MAGI2: variants seen among roughly 807,000 people sequenced by gnomAD.
MAGI2 encodes membrane-associated guanylate kinase, WW and PDZ domain-containing protein 2.
MAGI2 carries 35 observed loss-of-function variants against 133.3 expected under a neutral mutation model. That is an observed-to-expected ratio of 0.26 (90% CI 0.20 to 0.35). The LOEUF is 0.35. MAGI2 is among the 10% of genes least tolerant of loss of function. The pLI is 1.00. For synonymous variants in MAGI2, 729 were observed against 710.6 expected (o/e 1.03, Z -0.41); for missense variants, 1,636 against 1,863.4 (o/e 0.88, Z 2.25).
At chr7:78,455,458 C>T (rs6968434) in intron 6 of MAGI2, among the ~76,000 whole-genome samples, 4,098 of 152,176 alleles carry the variant, frequency 0.027, 195 homozygotes, top group African/African-American at 0.09. Context: ...ACAATGTAGA[C>T]AGAATAAGAC....
At chr7:78,762,216 G>A (rs1353858259) in intron 2 of MAGI2, among the ~76,000 whole-genome samples, 1 of 151,154 alleles carries the variant, frequency 6.6e-6, no homozygotes, top group Non-Finnish European at 1.5e-5. Context: ...GGATGAGGCA[G>A]GCAGATCACC....
chr7:78,785,004 A>G (rs922087753), intron 2 of MAGI2, among the ~76,000 whole-genome samples: 4 of 152,224 alleles, frequency 2.6e-5, no homozygotes, highest in Admixed American at 6.5e-5. Context: ...TAAGATTAAC[A>G]GGCCTTTCTT....
intron 6 of MAGI2, among the ~76,000 whole-genome samples, chr7:78,398,472 C>G (rs1402987746): frequency 6.6e-6 from 1 of 152,212 alleles, no homozygotes; most frequent in African/African-American, 2.4e-5. Context: ...CCTTAATGTT[C>G]CCCTCAGCTT....
At chr7:79,054,479 A>G (rs1012908163) in intron 1 of MAGI2, among the ~76,000 whole-genome samples, 12 of 152,174 alleles carry the variant, frequency 7.9e-5, no homozygotes, top group Admixed American at 2.0e-4. Context: ...ACCTGAGTTC[A>G]AAACAAACTT....
chr7:78,669,629 T>C (rs1338187534), intron 2 of MAGI2, among the ~76,000 whole-genome samples: 3 of 152,092 alleles, frequency 2.0e-5, no homozygotes, highest in Non-Finnish European at 2.9e-5. Flanking sequence ...AAAAGAGAAT[T>C]TTAGACCAAT....
At chr7:78,904,842 CA>C (rs760898915) in intron 2 of MAGI2, among the ~76,000 whole-genome samples, 4 of 152,126 alleles carry the variant, frequency 2.6e-5, no homozygotes, top group Non-Finnish European at 5.9e-5. Flanking sequence ...TCACTGTTTA[CA>C]AAAGTTTTAG....
At chr7:78,056,181 T>C (rs1336620633) in intron 21 of MAGI2, among the ~76,000 whole-genome samples, 1 of 152,190 alleles carries the variant, frequency 6.6e-6, no homozygotes, top group Non-Finnish European at 1.5e-5. Context: ...ATTCATCTTT[T>C]TGTGACTGGC....
At chr7:78,868,914 C>T (rs904253441) in intron 2 of MAGI2, among the ~76,000 whole-genome samples, 1 of 152,006 alleles carries the variant, frequency 6.6e-6, no homozygotes, top group Non-Finnish European at 1.5e-5. Context: ...CCACAATGCC[C>T]GGCTAATTTT....
At chr7:78,801,744 A>G (rs369572405) in intron 2 of MAGI2, among the ~76,000 whole-genome samples, 2 of 152,130 alleles carry the variant, frequency 1.3e-5, no homozygotes, top group South Asian at 2.1e-4. Context: ...AAGTTACCAT[A>G]TATCAAGCAC....
Position 78,548,582 on chromosome 7 carries a change from C to A in MAGI2, c.539-26937G>T, listed in dbSNP as rs144760107. Among the ~76,000 whole-genome samples the A allele has an allele frequency of 3.5e-3, 536 of 152,252 alleles. 4 individuals are homozygous for A. Among genetic ancestry groups the A allele is most frequent in the African/African-American group, 0.012 (511 of 41,544 alleles). On this transcript the variant is annotated intron_variant, in intron 3 of 21. Transcript: ENST00000354212. ...TGGTGGTGCATGCCTGTAATCCCAGCTACTTGGGAGGCTGAGGCAGGAGAA... is the reference window on the plus strand; with the variant it reads ...TGGTGGTGCATGCCTGTAATCCCAGATACTTGGGAGGCTGAGGCAGGAGAA...
intron 1 of MAGI2, among the ~76,000 whole-genome samples, chr7:79,317,579 G>A (rs1468751122): frequency 1.3e-5 from 2 of 151,972 alleles, no homozygotes; most frequent in East Asian, 1.9e-4. Context: ...ACATGTAATC[G>A]ATATAAAAAT....
At chr7:79,333,453 G>A (rs1449000645) in intron 1 of MAGI2, among the ~76,000 whole-genome samples, 1 of 151,994 alleles carries the variant, frequency 6.6e-6, no homozygotes, top group African/African-American at 2.4e-5. Context: ...GACATCAAAT[G>A]ACCTTCAGTT....
chr7:79,130,517 A>G (rs1019457369), intron 1 of MAGI2, among the ~76,000 whole-genome samples: 4 of 152,212 alleles, frequency 2.6e-5, no homozygotes, highest in Non-Finnish European at 4.4e-5. Context: ...GCACCCACGC[A>G]TTCACATCAC....
At chr7:78,022,576 A>G (rs1808503410) in intron 21 of MAGI2, among the ~76,000 whole-genome samples, 1 of 152,220 alleles carries the variant, frequency 6.6e-6, no homozygotes, top group African/African-American at 2.4e-5. Flanking sequence ...TGCAAATAGG[A>G]TTAAAGTATG....
At chr7:78,601,397 C>A (rs1805189800) in intron 3 of MAGI2, among the ~76,000 whole-genome samples, 1 of 152,114 alleles carries the variant, frequency 6.6e-6, no homozygotes. Context: ...ATTTGGTAAT[C>A]ACTTGTAATT....
At chr7:79,072,136 G>A (rs1815048161) in intron 1 of MAGI2, among the ~76,000 whole-genome samples, 1 of 152,134 alleles carries the variant, frequency 6.6e-6, no homozygotes, top group Non-Finnish European at 1.5e-5. Context: ...TGTCCAACCA[G>A]TCTCAATGAA....
chr7:78,606,348 C>T (rs961912502), intron 3 of MAGI2, among the ~76,000 whole-genome samples: 1 of 152,060 alleles, frequency 6.6e-6, no homozygotes. Flanking sequence ...AGAATTAAGA[C>T]CCTCTTTGCC....
intron 6 of MAGI2, among the ~76,000 whole-genome samples, chr7:78,421,420 G>C (rs1798785927): frequency 6.6e-6 from 1 of 152,022 alleles, no homozygotes; most frequent in Non-Finnish European, 1.5e-5. Context: ...TCCTTTTAAG[G>C]GACTTTGAAA....
chr7:78,107,823 G>A (rs528162361), intron 20 of MAGI2, among the ~76,000 whole-genome samples: 13 of 133,520 alleles, frequency 9.7e-5, no homozygotes, highest in South Asian at 5.4e-4. Flanking sequence ...TTATATTTCC[G>A]TGGTATCAGT....
Sources: allele counts gnomAD v4.1 joint callset (sites outside exome capture counted in the v4.1 genomes callset), GRCh38; gene constraint gnomAD v4.1.1; transcripts MANE v1.5; gene names NCBI Gene and HGNC (gene_info 2026-07-23, HGNC 2026-07-21).